Variants in KAT6A observed in about 807,000 individuals in gnomAD.
KAT6A encodes lysine acetyltransferase 6A, also known as histone acetyltransferase KAT6A.
A neutral mutation model predicts 198.4 loss-of-function variants in KAT6A; 9 were observed. The ratio of observed to expected loss-of-function variants is 0.05; its 90% confidence interval spans 0.03 to 0.08. The LOEUF (loss-of-function observed/expected upper bound fraction) is 0.08, where lower values mean the gene tolerates loss of function less well. KAT6A is among the 10% of genes least tolerant of loss of function. The probability of loss-of-function intolerance (pLI) is 1.00; values close to 1 mark genes in which losing one functional copy is unlikely to be tolerated. For missense variants in KAT6A, 2,077 were observed against 2,509.9 expected, an observed-to-expected ratio of 0.83 and a Z score of 3.69; for synonymous variants, 890 against 883.0, an observed-to-expected ratio of 1.01 and a Z score of -0.14.
At position 41,932,190 on chromosome 8, in the gene KAT6A, G is replaced by T. The variant is rs1298969437; in HGVS notation, c.*15C>A. 3.9e-6 allele frequency: 6 copies of T among 1,528,020 alleles called. No homozygotes were observed. The East Asian group carries it at 1.4e-4, about 35-fold the overall frequency. The allele number at this position is 1,528,020 out of a possible 1,614,324, so 94.7% of individuals were successfully genotyped here. On this transcript the variant is annotated 3_prime_UTR_variant, in exon 17 of 17. Coordinates refer to ENST00000265713, the MANE Select transcript of KAT6A (RefSeq NM_006766.5). Reference sequence around the variant, plus strand: ...TTTATATATATTTAAGTTTTTGATTGCAAGTTCATCTTGCTCATCTTCTCA... The same window carrying T: ...TTTATATATATTTAAGTTTTTGATTTCAAGTTCATCTTGCTCATCTTCTCA...
At chr8:42,006,995 C>CAAAAA (rs10701182) in intron 2 of KAT6A, among the ~76,000 whole-genome samples, 3 of 88,200 alleles carry the variant, frequency 3.4e-5, no homozygotes, top group African/African-American at 8.7e-5. Flanking sequence ...GACTCCATCT[C>CAAAAA]AAAAAAAAAA....
chr8:41,948,255 C>T lies in KAT6A; in HGVS notation c.1741-343G>A, dbSNP rs116181918. On this transcript the variant is annotated intron_variant, in intron 10 of 16. Transcript: ENST00000265713. The stretch of plus-strand genomic sequence containing the variant: ...AGTTTCGTTTTCAAAGTACTTAACA[C>T]AACAAAAGATCTAAATACAACCCTT... 6.2e-3 allele frequency among the ~76,000 whole-genome samples: 943 copies of T among 152,270 alleles called. 13 individuals carry two copies. Among genetic ancestry groups the T allele is most frequent in the African/African-American group, 0.02 (821 of 41,550 alleles).
In KAT6A at chr8:41,931,508, CAA is replaced by C. The variant is rs1407925013; in HGVS notation, c.*695_*696del. 1 of 207,496 alleles carries C rather than the reference CAA, an allele frequency of 4.8e-6. No individual in the cohort carries two copies. The highest frequency in any genetic ancestry group is 9.8e-6 in the Non-Finnish European group (1 of 101,720). The allele number at this position is 207,496 out of a possible 1,614,324, so 12.9% of individuals were successfully genotyped here. On this transcript the variant is annotated 3_prime_UTR_variant, in exon 17 of 17. Transcript: ENST00000265713. ...TATATTACACTTGATTCAAGAACAACAAAGATTTCAATGAAGTCCGTCTATAA... is the reference window on the plus strand; with the variant it reads ...TATATTACACTTGATTCAAGAACAACAGATTTCAATGAAGTCCGTCTATAA...
At chr8:42,029,871 T>G (rs981983310) in intron 2 of KAT6A, among the ~76,000 whole-genome samples, 1 of 152,208 alleles carries the variant, frequency 6.6e-6, no homozygotes, top group Non-Finnish European at 1.5e-5. Flanking sequence ...TTTTTCTGAT[T>G]TCTTTACATT....
At chr8:41,947,273 G>A (rs897726730) in intron 11 of KAT6A, among the ~76,000 whole-genome samples, 2 of 152,140 alleles carry the variant, frequency 1.3e-5, no homozygotes, top group African/African-American at 2.4e-5. Context: ...TTTACCACAG[G>A]CTTGCTTAAA....
rs138873445 is a variant in KAT6A at position 41,958,535 on chromosome 8, C to T, written c.1483-3124G>A. On this transcript the variant is annotated intron_variant, in intron 8 of 16. Transcript: ENST00000265713. ...AAGTTTATGGGTAAGTTTTTAAAAA[C>T]GGGAACTTGGTTTTCCAAAGAAATG... 6.3e-3 allele frequency among the ~76,000 whole-genome samples: 952 copies of T among 152,220 alleles called. 7 individuals carry two copies. The highest frequency in any genetic ancestry group is 0.022 in the African/African-American group (920 of 41,526).
intron 8 of KAT6A, among the ~76,000 whole-genome samples, chr8:41,962,050 T>C (rs1823228567): frequency 6.6e-6 from 1 of 152,182 alleles, no homozygotes; most frequent in African/African-American, 2.4e-5. Context: ...TCCTTCCTTC[T>C]TACAACACAT....
At chr8:42,043,073 T>C (rs993627458) in intron 2 of KAT6A, among the ~76,000 whole-genome samples, 2 of 152,168 alleles carry the variant, frequency 1.3e-5, no homozygotes, top group Non-Finnish European at 2.9e-5. Context: ...TGTAAAAAAA[T>C]TACAGTTCAT....
chr8:41,987,073 T>C (rs1451835794), intron 3 of KAT6A, among the ~76,000 whole-genome samples: 2 of 152,136 alleles, frequency 1.3e-5, no homozygotes, highest in Non-Finnish European at 2.9e-5. Flanking sequence ...CACATATGAC[T>C]GTAGCCCCGT....
intron 2 of KAT6A, among the ~76,000 whole-genome samples, chr8:42,000,758 A>C (rs1291349503): frequency 1.3e-5 from 2 of 152,192 alleles, no homozygotes; most frequent in Non-Finnish European, 2.9e-5. Flanking sequence ...ATCTGATAGA[A>C]TGCAAGGTTC....
At chr8:41,998,771 T>TACTC (rs1197436128) in intron 2 of KAT6A, among the ~76,000 whole-genome samples, 4 of 152,100 alleles carry the variant, frequency 2.6e-5, no homozygotes, top group Non-Finnish European at 5.9e-5. Context: ...TACTATCAAG[T>TACTC]ACTCTATGGC....
chr8:42,036,892 T>C (rs1412647831), intron 2 of KAT6A, among the ~76,000 whole-genome samples: 1 of 152,232 alleles, frequency 6.6e-6, no homozygotes, highest in Non-Finnish European at 1.5e-5. Flanking sequence ...AGAAGTACAC[T>C]GTCCTGGGTC....
chr8:42,048,264 A>C (rs1587870272), intron 2 of KAT6A, 114 bp downstream of exon 2: 1 of 1,063,204 alleles, frequency 9.4e-7, no homozygotes, highest in Non-Finnish European at 1.4e-6. Context: ...ACCAGAGGTG[A>C]TCACTCCACA....
intron 2 of KAT6A, among the ~76,000 whole-genome samples, chr8:42,013,575 ATG>A (rs1487933601): frequency 6.6e-6 from 1 of 152,134 alleles, no homozygotes; most frequent in Non-Finnish European, 1.5e-5. Flanking sequence ...ATGCACACAT[ATG>A]TATGGTCACT....
intron 2 of KAT6A, among the ~76,000 whole-genome samples, chr8:42,024,984 T>C (rs1826729330): frequency 6.6e-6 from 1 of 152,192 alleles, no homozygotes; most frequent in Admixed American, 6.5e-5. Context: ...TGCTGGATCA[T>C]ATGGCAATTC....
Position 41,931,996 on chromosome 8 carries a change from G to T in KAT6A, c.*209C>A. ...ATGAGTTCTACTGTAAAATGTTCAA[G>T]ATTGTGAAGAAAACCAAAACCCAGA... On this transcript the variant is annotated 3_prime_UTR_variant, in exon 17 of 17. Transcript: ENST00000265713. 2.4e-6 allele frequency: 1 copy of T among 419,860 alleles called. No individual in the cohort carries two copies. The highest frequency in any genetic ancestry group is 4.1e-5 in the Admixed American group (1 of 24,156). The allele number at this position is 419,860 out of a possible 1,614,324, so 26.0% of individuals were successfully genotyped here. A position where few individuals can be genotyped will look rare whatever the true frequency, so the allele number is the denominator to read the frequency against.
At chr8:41,967,254 TTTC>T (rs923498600) in intron 8 of KAT6A, among the ~76,000 whole-genome samples, 37 of 91,080 alleles carry the variant, frequency 4.1e-4, no homozygotes, top group African/African-American at 7.5e-4. Flanking sequence ...CAAACGCGTC[TTTC>T]TTTTTTTAAA....
chr8:41,946,489 TATATACACAC>T lies in KAT6A; in HGVS notation c.1996+92_1996+101del, dbSNP rs752582094. The T allele has an allele frequency of 8.9e-3, 4,032 of 453,592 alleles. 38 individuals carry two copies. Among genetic ancestry groups the T allele is most frequent in the African/African-American group, 0.011 (342 of 31,282 alleles). 28.1% of individuals were successfully genotyped at this position (453,592 alleles called of 1,614,324 possible). A position where few individuals can be genotyped will look rare whatever the true frequency, so the allele number is the denominator to read the frequency against. On this transcript the variant is annotated intron_variant, in intron 12 of 16. Coordinates refer to ENST00000265713, the MANE Select transcript of KAT6A (RefSeq NM_006766.5). Reference sequence around the variant, plus strand: ...GCACCTACAAATCTTTAAATATATATATATACACACACACACACACACACACACACACACA... The same window carrying T: ...GCACCTACAAATCTTTAAATATATATACACACACACACACACACACACACA...
intron 2 of KAT6A, among the ~76,000 whole-genome samples, chr8:42,037,313 G>A (rs1324977387): frequency 4.6e-5 from 7 of 151,942 alleles, no homozygotes; most frequent in Non-Finnish European, 7.4e-5. Context: ...GGTGAAAGAG[G>A]GTTTAAATAG....
Sources: gnomAD v4.1 joint callset for allele counts (sites outside exome capture counted in the v4.1 genomes callset) on GRCh38, gnomAD v4.1.1 for gene constraint, MANE v1.5 for transcripts, NCBI Gene and HGNC (gene_info 2026-07-23, HGNC 2026-07-21) for gene names.